TLE2: variants seen among roughly 807,000 people sequenced by gnomAD.
TLE2 encodes transducin-like enhancer protein 2.
Under a neutral mutation model 97.2 loss-of-function variants are expected in TLE2, and 74 were observed. The ratio of observed to expected loss-of-function variants is 0.76; its 90% CI spans 0.63 to 0.92. The LOEUF (loss-of-function observed/expected upper bound fraction) is 0.92, where lower values mean the gene tolerates loss of function less well. TLE2 is among the 40% of genes least tolerant of loss of function. The pLI is 0.00. For synonymous variants in TLE2, 499 were observed against 432.1 expected, an observed-to-expected ratio of 1.15 and a Z score of -1.92; for missense variants, 1,038 against 1,008.7, an observed-to-expected ratio of 1.03 and a Z score of -0.39.
chr19:3,008,748 G>A (rs555234646), intron 14 of TLE2, 121 bp downstream of exon 14: 18 of 722,048 alleles, frequency 2.5e-5, no homozygotes, highest in Non-Finnish European at 3.5e-5. Flanking sequence ...ACTGTGCCCG[G>A]CCCACACAAG....
In TLE2 at chr19:3,039,462, G is replaced by A. The variant is rs142505650; in HGVS notation, c.63+6264C>T. 1.3e-3 allele frequency among the ~76,000 whole-genome samples: 201 copies of A among 152,136 alleles called. No individual in the cohort carries two copies. In the East Asian group the frequency reaches 0.018, roughly 14 times the overall value. Reference sequence around the variant, plus strand: ...AGCCTCAAGACCTCTGCACTGCATTGGTTGTTCCCTCTGCCTGAACCACGG... The same window carrying A: ...AGCCTCAAGACCTCTGCACTGCATTAGTTGTTCCCTCTGCCTGAACCACGG... On this transcript the variant is annotated intron_variant, in intron 1 of 18. Transcript: ENST00000426948.
intron 9 of TLE2, 43 bp downstream of exon 9, chr19:3,015,610 G>T: frequency 6.6e-7 from 1 of 1,509,090 alleles, no homozygotes; most frequent in Non-Finnish European, 9.0e-7. Context: ...GGCTGGTCTG[G>T]GCCATGCACG....
intron 1 of TLE2, among the ~76,000 whole-genome samples, chr19:3,040,341 CGTTT>C (rs919047636): frequency 3.2e-4 from 48 of 152,218 alleles, no homozygotes; most frequent in Non-Finnish European, 5.0e-4. Context: ...TTCTTTTTAA[CGTTT>C]GTTTGTTTTT....
chr19:3,022,477 T>C (rs4806895), intron 5 of TLE2, among the ~76,000 whole-genome samples: 44,923 of 150,128 alleles, frequency 0.3, 7,289 homozygotes, highest in African/African-American at 0.41. Flanking sequence ...TGCAGTGAGC[T>C]GAGATCGTGC....
intron 1 of TLE2, among the ~76,000 whole-genome samples, chr19:3,044,481 A>G (rs1273997827): frequency 6.6e-6 from 1 of 152,132 alleles, no homozygotes; most frequent in Non-Finnish European, 1.5e-5. Flanking sequence ...GTGCAGTGGC[A>G]CGATTTCTGC....
chr19:3,003,244 G>C (rs1267467790), intron 17 of TLE2, among the ~76,000 whole-genome samples: 1 of 152,166 alleles, frequency 6.6e-6, no homozygotes, highest in Non-Finnish European at 1.5e-5. Flanking sequence ...AGGGAGGAGG[G>C]ACAGAGAAGG....
chr19:3,006,371 C>A, intron 15 of TLE2, 49 bp downstream of exon 15: 1 of 1,584,886 alleles, frequency 6.3e-7, no homozygotes, highest in Non-Finnish European at 8.6e-7. Flanking sequence ...GGAACATAAG[C>A]CCCACCCCTC....
At position 3,028,526 on chromosome 19, in the gene TLE2, C is replaced by G. The variant is rs2089984596; in HGVS notation, c.123-144G>C. 6 of 1,006,552 alleles carry G rather than the reference C, an allele frequency of 6.0e-6. No individual in the cohort carries two copies. The East Asian group carries it at 1.6e-4, about 27-fold the overall frequency. 62.4% of individuals were successfully genotyped at this position (1,006,552 alleles called of 1,614,324 possible). On this transcript the variant is annotated intron_variant, in intron 2 of 19. Transcript: ENST00000262953. Reference sequence around the variant, plus strand: ...CAGTCCCTCCCCGCCCCTTCCTGGGCTCCAAATGCCCCAGCTCTGACTGTC... The same window carrying G: ...CAGTCCCTCCCCGCCCCTTCCTGGGGTCCAAATGCCCCAGCTCTGACTGTC...
rs773058968 is a variant in TLE2 at position 3,019,448 on chromosome 19, G to A, written c.385C>T (p.Leu129=). 7.2e-6 allele frequency: 11 copies of A among 1,522,054 alleles called. No individual in the cohort carries two copies. Among genetic ancestry groups the A allele is most frequent in the Non-Finnish European group, 8.8e-6 (10 of 1,139,388 alleles). 94.3% of individuals were successfully genotyped at this position (1,522,054 alleles called of 1,614,324 possible). Residue 129 remains leucine (L), a synonymous_variant, in exon 7 of 20, where the codon CTG becomes TTG. Coordinates refer to ENST00000262953, the MANE Select transcript of TLE2 (RefSeq NM_003260.5). This position sits in a 1 kb window ranked among gnomAD's most constrained non-coding sequence, Gnocchi z 5.1. ...GGCACAGGGGGTGCGTGGTGGGACA[G>A]CGGCTGGAGCTGCTGCTGCTAGAAA... ...NSLIGQQLQP[L]SHHAPPVPLT...
Position 2,997,824 on chromosome 19 carries a change from G to A in TLE2, c.*24C>T, listed in dbSNP as rs374054297. On this transcript the variant is annotated 3_prime_UTR_variant, in exon 20 of 20. Coordinates refer to ENST00000262953, the MANE Select transcript of TLE2 (RefSeq NM_003260.5). The stretch of plus-strand genomic sequence containing the variant: ...TGATTCCCCTGGGAGTCTGGACTTC[G>A]GGTACAGGAAGGGGGGTCATGTCTC... 37 of 1,547,938 alleles carry A rather than the reference G, an allele frequency of 2.4e-5. No individual in the cohort carries two copies. The highest frequency in any genetic ancestry group is 1.1e-4 in the Admixed American group (6 of 55,342).
intron 5 of TLE2, among the ~76,000 whole-genome samples, chr19:3,021,754 C>G (rs963440644): frequency 1.3e-5 from 2 of 151,546 alleles, no homozygotes; most frequent in South Asian, 4.2e-4. Context: ...AACTAATTTT[C>G]ATACTTTTAG....
chr19:3,028,262 C>A, intron 3 of TLE2, 57 bp downstream of exon 3: 1 of 1,536,890 alleles, frequency 6.5e-7, no homozygotes, highest in Non-Finnish European at 8.9e-7. Context: ...CAGAGTCCAC[C>A]GTGACTCAAA....
chr19:3,046,448 T>G (rs2145241830), upstream of TLE2, among the ~76,000 whole-genome samples: 1 of 152,188 alleles, frequency 6.6e-6, no homozygotes, highest in South Asian at 2.1e-4. Context: ...GGGCTGGGGA[T>G]GGGGAAGGGG....
At chr19:3,025,320 G>A (rs914588272) in intron 4 of TLE2, 170 of 1,269,312 alleles carry the variant, frequency 1.3e-4, no homozygotes, top group Non-Finnish European at 1.7e-4. Flanking sequence ...GACCAGGGCT[G>A]AGGTCCTACG....
rs1294698685 is a variant in TLE2 at position 3,035,615 on chromosome 19, C to T, written c.64-6812G>A. Among the ~76,000 whole-genome samples, 4 of 152,310 alleles carry T rather than the reference C, an allele frequency of 2.6e-5. No homozygotes were observed. In the East Asian group the frequency reaches 7.7e-4, roughly 29 times the overall value. ...ACCACCTTAAATCAGCCTGGCCGCC[C>T]CAGCTACTGTGGAAATTCCTTTCTC... On this transcript the variant is annotated intron_variant, in intron 1 of 18. Coordinates refer to the TLE2 transcript ENST00000426948.
At chr19:3,008,044 C>A (rs937893340) in intron 14 of TLE2, among the ~76,000 whole-genome samples, 1 of 152,112 alleles carries the variant, frequency 6.6e-6, no homozygotes, top group Admixed American at 6.6e-5. Context: ...ATCTCACCAC[C>A]GTACTCCAGC....
chr19:3,046,897 C>CCTCCCCCTCCTCCCT (rs1345213752), upstream of TLE2, among the ~76,000 whole-genome samples: 1 of 139,930 alleles, frequency 7.1e-6, no homozygotes, highest in East Asian at 2.2e-4. Flanking sequence ...CATCGCTGTG[C>CCTCCCCCTCCTCCCT]CTCCCCCTCC....
chr19:3,025,197 G>A (rs576487232), intron 4 of TLE2, 115 bp from the exon 5 acceptor site: 8 of 1,167,502 alleles, frequency 6.9e-6, no homozygotes, highest in African/African-American at 4.7e-5. Context: ...GGTGACGCCC[G>A]CAGGTGCACA....
chr19:3,041,431 G>C (rs538012034), intron 1 of TLE2, among the ~76,000 whole-genome samples: 2 of 152,068 alleles, frequency 1.3e-5, no homozygotes, highest in Non-Finnish European at 2.9e-5. Context: ...CCGCCTCCAG[G>C]CTTCGCCACC....
Sources: allele counts gnomAD v4.1 joint callset (sites outside exome capture counted in the v4.1 genomes callset), GRCh38; gene constraint gnomAD v4.1.1; non-coding constraint Gnocchi (gnomAD v3.1); transcripts MANE v1.5; gene names NCBI Gene and HGNC (gene_info 2026-07-23, HGNC 2026-07-21).